Variants in BICRA observed in about 807,000 individuals in gnomAD.
BICRA encodes the protein BRD4 interacting chromatin remodeling complex associated protein, also known as BRD4-interacting chromatin-remodeling complex-associated protein.
A neutral mutation model predicts 96.9 loss-of-function variants in BICRA; 31 were observed. The observed-to-expected ratio is 0.32, with a 90% CI of 0.24 to 0.43. BICRA has a LOEUF of 0.43. Among genes scored for constraint, BICRA ranks in the 20% least tolerant of loss-of-function variants. BICRA has a pLI of 1.00. For missense variants in BICRA, 2,283 were observed against 2,190.3 expected (o/e 1.04, Z -0.84); for synonymous variants, 1,350 against 1,071.8 (o/e 1.26, Z -5.07).
intron 1 of BICRA, among the ~76,000 whole-genome samples, chr19:47,611,590 A>G (rs1005758923): frequency 3.0e-4 from 46 of 152,196 alleles, no homozygotes; most frequent in Admixed American, 8.5e-4. Flanking sequence ...GGTTGTTCCT[A>G]TGCCCTGTGA....
chr19:47,664,414 C>T (rs532118947), intron 1 of BICRA, among the ~76,000 whole-genome samples: 126 of 152,240 alleles, frequency 8.3e-4, no homozygotes, highest in Admixed American at 1.7e-3. Flanking sequence ...TTTTCAGGCC[C>T]GGCCTTTCCT....
intron 1 of BICRA, among the ~76,000 whole-genome samples, chr19:47,640,478 C>T (rs555168604): frequency 7.0e-4 from 105 of 150,468 alleles, no homozygotes; most frequent in African/African-American, 2.3e-3. Context: ...TGCAGTGAGC[C>T]GAGATCATGC....
chr19:47,702,253 C>T lies in BICRA; in HGVS notation c.4521C>T (p.Ser1507=). The T allele has an allele frequency of 6.3e-7, 1 of 1,598,426 alleles. No homozygotes were observed. Among genetic ancestry groups the T allele is most frequent in the Non-Finnish European group, 8.5e-7 (1 of 1,177,668 alleles). ...LTEHLQSAID[S]ILNLQQAPGR... Reference sequence around the variant, plus strand: ...AGCACCTGCAGAGCGCCATCGACAGCATCCTGAACCTGCAGCAGGCCCCCG... The same window carrying T: ...AGCACCTGCAGAGCGCCATCGACAGTATCCTGAACCTGCAGCAGGCCCCCG... The change falls in exon 15 of 15, where the codon AGC becomes AGT. Residue 1507 remains serine (S), a synonymous_variant. Coordinates refer to ENST00000594866, the MANE Select transcript of BICRA (RefSeq NM_001394372.1).
In BICRA at chr19:47,694,976, C is replaced by A; in HGVS notation, c.2972C>A (p.Pro991His). 6.4e-7 allele frequency: 1 copy of A among 1,553,086 alleles called. No homozygotes were observed. ...CCGCAGACCTCCACCAGCCTGGGGCCCCTCACCAGCCCCGCTGCGTCTGTG... is the reference window on the plus strand; with the variant it reads ...CCGCAGACCTCCACCAGCCTGGGGCACCTCACCAGCCCCGCTGCGTCTGTG... Reference protein sequence around the residue: ...AAPQTSTSLGPLTSPAASVLV... With the variant: ...AAPQTSTSLGHLTSPAASVLV... The change falls in exon 9 of 15, where the codon CCC becomes CAC. Residue 991 changes from proline (P) to histidine (H), a missense_variant. Transcript: ENST00000594866.
chr19:47,635,270 C>T (rs558421727), intron 1 of BICRA, among the ~76,000 whole-genome samples: 412 of 144,354 alleles, frequency 2.9e-3, no homozygotes, highest in Middle Eastern at 0.015. Context: ...TTTTTTGAGA[C>T]CGGGTCTGGC....
At chr19:47,641,142 G>A (rs1283883133) in intron 1 of BICRA, among the ~76,000 whole-genome samples, 13 of 142,192 alleles carry the variant, frequency 9.1e-5, no homozygotes, top group South Asian at 2.2e-4. Context: ...GGATGGTCTC[G>A]GTCTCCTGAC....
At chr19:47,659,103 C>T (rs1972665845) in intron 1 of BICRA, among the ~76,000 whole-genome samples, 1 of 152,132 alleles carries the variant, frequency 6.6e-6, no homozygotes, top group African/African-American at 2.4e-5. Context: ...TTTAGAACAG[C>T]GTCGAATGGT....
At chr19:47,656,208 CT>C (rs1353159885) in intron 1 of BICRA, among the ~76,000 whole-genome samples, 1 of 151,838 alleles carries the variant, frequency 6.6e-6, no homozygotes, top group Non-Finnish European at 1.5e-5. Context: ...GCCATGAGTT[CT>C]TTTCACACCA....
chr19:47,644,403 C>A lies in BICRA; in HGVS notation c.-107-26040C>A, dbSNP rs551315664. 2.0e-5 allele frequency among the ~76,000 whole-genome samples: 3 copies of A among 151,010 alleles called. No homozygotes were observed. The East Asian group carries it at 5.9e-4, about 30-fold the overall frequency. ...GCTTTTCCTTTTCTTTTCTTTCTTT[C>A]TCTCTCTCCTTCCTTGCTTCCTCCC... On this transcript the variant is annotated intron_variant, in intron 1 of 14. Transcript: ENST00000594866.
intron 4 of BICRA, among the ~76,000 whole-genome samples, chr19:47,674,319 A>G (rs1044938470): frequency 1.1e-5 from 1 of 94,910 alleles, no homozygotes. Context: ...CAGGTTGTGT[A>G]GGCCTGGAAG....
intron 7 of BICRA, among the ~76,000 whole-genome samples, chr19:47,691,487 A>G (rs937856805): frequency 2.0e-5 from 3 of 152,112 alleles, no homozygotes; most frequent in Admixed American, 2.0e-4. Flanking sequence ...TTCTGTGTAC[A>G]CTTTTTTCTG....
chr19:47,682,010 C>T lies in BICRA; in HGVS notation c.2141C>T (p.Pro714Leu). 1.3e-6 allele frequency: 2 copies of T among 1,571,556 alleles called. No homozygotes were observed. The highest frequency in any genetic ancestry group is 1.7e-6 in the Non-Finnish European group (2 of 1,163,132). The change falls in exon 7 of 15, where the codon CCC becomes CTC. Residue 714 changes from proline to leucine, a missense_variant. Transcript: ENST00000594866. ...RSQQPLSAEG[P>L]HLSVPASVIV... Reference sequence around the variant, plus strand: ...CAGCAGCCCCTCTCCGCAGAGGGCCCCCACCTCTCCGTGCCTGCCTCGGTC... The same window carrying T: ...CAGCAGCCCCTCTCCGCAGAGGGCCTCCACCTCTCCGTGCCTGCCTCGGTC...
At chr19:47,630,602 T>C (rs1972208233) in intron 1 of BICRA, among the ~76,000 whole-genome samples, 1 of 152,232 alleles carries the variant, frequency 6.6e-6, no homozygotes, top group Non-Finnish European at 1.5e-5. Context: ...TTTCTTTTTT[T>C]GTGGCTAAGT....
At chr19:47,695,897 T>G (rs1035232943) in intron 10 of BICRA, among the ~76,000 whole-genome samples, 30 of 151,612 alleles carry the variant, frequency 2.0e-4, no homozygotes, top group African/African-American at 6.8e-4. Flanking sequence ...TGGGGACAGC[T>G]GAGGCCGAGG....
chr19:47,689,073 C>T (rs1035865764), intron 7 of BICRA, among the ~76,000 whole-genome samples: 8 of 151,124 alleles, frequency 5.3e-5, no homozygotes, highest in South Asian at 2.1e-4. Flanking sequence ...GTGATCCACC[C>T]GCCTTGGCAT....
At chr19:47,673,083 C>T (rs1016011492) in intron 2 of BICRA, among the ~76,000 whole-genome samples, 9 of 152,166 alleles carry the variant, frequency 5.9e-5, no homozygotes, top group African/African-American at 1.7e-4. Flanking sequence ...CAGACCCCCA[C>T]CACACGCCTC....
rs766990038 is a variant in BICRA at position 47,681,122 on chromosome 19, C to A, written c.1952C>A (p.Pro651His). The A allele has an allele frequency of 1.0e-5, 15 of 1,489,958 alleles. No individual in the cohort carries two copies. Among genetic ancestry groups the A allele is most frequent in the Non-Finnish European group, 1.2e-5 (13 of 1,113,074 alleles). The allele number at this position is 1,489,958 out of a possible 1,614,324, so 92.3% of individuals were successfully genotyped here. The change falls in exon 6 of 15, where the codon CCC becomes CAC. Residue 651 changes from proline (P) to histidine (H), a missense_variant. Physicochemically the swap from Pro to His is moderately conservative, Grantham distance 77. Coordinates refer to ENST00000594866, the MANE Select transcript of BICRA (RefSeq NM_001394372.1). ...CAGGCGCAGCAGCCCCCGCAGGCCCCCACCCCACAGGCCGCCGCCCCGCCT... is the reference window on the plus strand; with the variant it reads ...CAGGCGCAGCAGCCCCCGCAGGCCCACACCCCACAGGCCGCCGCCCCGCCT... ...QPQAQQPPQA[P>H]TPQAAAPPQA...
At chr19:47,647,694 G>A (rs1972480842) in intron 1 of BICRA, among the ~76,000 whole-genome samples, 1 of 152,070 alleles carries the variant, frequency 6.6e-6, no homozygotes, top group African/African-American at 2.4e-5. Flanking sequence ...ATGATCGCCT[G>A]CCTCTGTTGC....
chr19:47,657,672 A>G (rs187246217), intron 1 of BICRA, among the ~76,000 whole-genome samples: 198 of 152,258 alleles, frequency 1.3e-3, no homozygotes, highest in African/African-American at 4.4e-3. Context: ...CTGGGATTAC[A>G]GGCATGAGCC....
Sources: gnomAD v4.1 joint callset for allele counts (sites outside exome capture counted in the v4.1 genomes callset) on GRCh38, gnomAD v4.1.1 for gene constraint, MANE v1.5 for transcripts, NCBI Gene and HGNC (gene_info 2026-07-23, HGNC 2026-07-21) for gene names.